CCDC178: variants seen among roughly 807,000 people sequenced by gnomAD.
CCDC178 encodes coiled-coil domain-containing protein 178.
A neutral mutation model predicts 117.4 loss-of-function variants in CCDC178; 126 were observed. That is an observed-to-expected ratio of 1.07 (90% CI 0.93 to 1.24). The LOEUF (loss-of-function observed/expected upper bound fraction) is 1.24, where lower values mean the gene tolerates loss of function less well. Among genes scored for constraint, CCDC178 ranks in the 50% most tolerant of loss-of-function variants. The pLI, the probability that CCDC178 is intolerant of heterozygous loss-of-function variation, is 0.00. For missense variants in CCDC178, 1,030 were observed against 986.9 expected (o/e 1.04, Z -0.59); for synonymous variants, 283 against 313.4 (o/e 0.90, Z 1.02).
At chr18:33,051,031 A>G (rs548826916) in intron 21 of CCDC178, among the ~76,000 whole-genome samples, 3 of 152,052 alleles carry the variant, frequency 2.0e-5, no homozygotes, top group Admixed American at 6.5e-5. Flanking sequence ...TCCTGCCTCA[A>G]CCTCTCTAGT....
intron 20 of CCDC178, among the ~76,000 whole-genome samples, chr18:33,205,016 T>G (rs1265688964): frequency 6.6e-6 from 1 of 152,044 alleles, no homozygotes; most frequent in African/African-American, 2.4e-5. Flanking sequence ...GTAAAAGTTT[T>G]GATTTATGAC....
chr18:33,408,884 G>C (rs1210305237), intron 3 of CCDC178, among the ~76,000 whole-genome samples: 2 of 152,092 alleles, frequency 1.3e-5, no homozygotes, highest in Non-Finnish European at 2.9e-5. Context: ...AAAAATTATA[G>C]TTTGTTAAAA....
chr18:33,273,032 G>C (rs2059908277), intron 12 of CCDC178, among the ~76,000 whole-genome samples: 1 of 146,600 alleles, frequency 6.8e-6, no homozygotes. Context: ...TCTAACCAAA[G>C]TAATTAGGCA....
At chr18:33,307,387 C>A (rs4369746) in intron 11 of CCDC178, among the ~76,000 whole-genome samples, 7,475 of 152,192 alleles carry the variant, frequency 0.049, 634 homozygotes, top group African/African-American at 0.17. Flanking sequence ...AGACTGATGG[C>A]TTTTTGGCCC....
intron 2 of CCDC178, among the ~76,000 whole-genome samples, chr18:33,435,962 T>C (rs2064284354): frequency 6.6e-6 from 1 of 152,052 alleles, no homozygotes; most frequent in African/African-American, 2.4e-5. Context: ...TGGGTGCTTT[T>C]TAATGACGAT....
intron 9 of CCDC178, among the ~76,000 whole-genome samples, chr18:33,339,848 T>G (rs1418844749): frequency 6.6e-6 from 1 of 152,158 alleles, no homozygotes; most frequent in African/African-American, 2.4e-5. Context: ...CATATGGGAC[T>G]GTAACTCCAT....
intron 7 of CCDC178, among the ~76,000 whole-genome samples, chr18:33,353,303 A>C (rs1177197867): frequency 6.6e-6 from 1 of 152,012 alleles, no homozygotes; most frequent in Non-Finnish European, 1.5e-5. Flanking sequence ...TTTGTATCTC[A>C]GGTGAGACTC....
intron 5 of CCDC178, among the ~76,000 whole-genome samples, chr18:33,381,693 G>T (rs1308484827): frequency 6.6e-6 from 1 of 151,966 alleles, no homozygotes; most frequent in Non-Finnish European, 1.5e-5. Context: ...AATGCTTGCA[G>T]ACCATGCAAA....
chr18:32,961,069 C>T (rs1281212394), intron 22 of CCDC178, among the ~76,000 whole-genome samples: 1 of 151,982 alleles, frequency 6.6e-6, no homozygotes, highest in Non-Finnish European at 1.5e-5. Flanking sequence ...TCATATGTAG[C>T]TATTTGGGAT....
rs148020917 is a variant in CCDC178 at position 33,251,319 on chromosome 18, T to C, written c.1410-5891A>G. ...AGATTGAGATAATTCTCATTCATTATATCTATACTCCCTATGAAGAGGATG... is the reference window on the plus strand; with the variant it reads ...AGATTGAGATAATTCTCATTCATTACATCTATACTCCCTATGAAGAGGATG... On this transcript the variant is annotated intron_variant, in intron 14 of 22. Coordinates refer to ENST00000383096, the MANE Select transcript of CCDC178 (RefSeq NM_001105528.4). 2.3e-3 allele frequency among the ~76,000 whole-genome samples: 345 copies of C among 151,918 alleles called. 2 individuals carry two copies. The highest frequency in any genetic ancestry group is 7.6e-3 in the African/African-American group (316 of 41,522).
At chr18:33,301,619 TG>T (rs2144909953) in intron 11 of CCDC178, among the ~76,000 whole-genome samples, 1 of 152,350 alleles carries the variant, frequency 6.6e-6, no homozygotes, top group South Asian at 2.1e-4. Context: ...GTGCTCGATG[TG>T]GGACATGGAG....
At chr18:33,226,084 C>T (rs1441924972) in intron 16 of CCDC178, among the ~76,000 whole-genome samples, 1 of 152,162 alleles carries the variant, frequency 6.6e-6, no homozygotes, top group Non-Finnish European at 1.5e-5. Context: ...TCACTTGAAC[C>T]TGGGAGGCAG....
intron 2 of CCDC178, among the ~76,000 whole-genome samples, chr18:33,422,679 T>C (rs1418369395): frequency 6.6e-6 from 1 of 152,204 alleles, no homozygotes; most frequent in Non-Finnish European, 1.5e-5. Flanking sequence ...ATGTGGCTAT[T>C]GGCTACCATA....
At chr18:33,229,630 C>T (rs1034503576) in intron 15 of CCDC178, among the ~76,000 whole-genome samples, 2 of 152,126 alleles carry the variant, frequency 1.3e-5, no homozygotes, top group African/African-American at 2.4e-5. Context: ...CACAATGTGA[C>T]AGAGAGCATC....
In CCDC178 at chr18:32,993,866, T is replaced by C. The variant is rs188408021; in HGVS notation, c.2389-19185A>G. 9.3e-4 allele frequency among the ~76,000 whole-genome samples: 142 copies of C among 152,318 alleles called. 2 individuals are homozygous for C. Among genetic ancestry groups the C allele is most frequent in the Non-Finnish European group, 2.5e-4 (17 of 68,026 alleles). ...GGCCTTTAATGAGTGTCAAGAAAGCTGGTTTCCTTTCACTTCAATTACAAC... is the reference window on the plus strand; with the variant it reads ...GGCCTTTAATGAGTGTCAAGAAAGCCGGTTTCCTTTCACTTCAATTACAAC... On this transcript the variant is annotated intron_variant, in intron 21 of 22. Transcript: ENST00000383096.
intron 12 of CCDC178, among the ~76,000 whole-genome samples, chr18:33,288,667 G>A (rs967805182): frequency 6.6e-5 from 10 of 151,882 alleles, no homozygotes; most frequent in Non-Finnish European, 1.2e-4. Context: ...CCAGCATAGG[G>A]GTAAACGCAG....
chr18:33,163,672 T>C (rs1458621250), intron 20 of CCDC178, among the ~76,000 whole-genome samples: 2 of 152,202 alleles, frequency 1.3e-5, no homozygotes, highest in Non-Finnish European at 2.9e-5. Flanking sequence ...TATAATAAAA[T>C]AATTTGCATT....
At chr18:33,100,633 T>A (rs1284629037) in intron 20 of CCDC178, among the ~76,000 whole-genome samples, 1 of 151,992 alleles carries the variant, frequency 6.6e-6, no homozygotes, top group Non-Finnish European at 1.5e-5. Flanking sequence ...ATAAGAGCTC[T>A]GTATGTGGTC....
chr18:33,132,383 C>T (rs943057943), intron 20 of CCDC178, among the ~76,000 whole-genome samples: 7 of 151,646 alleles, frequency 4.6e-5, no homozygotes, highest in African/African-American at 1.4e-4. Flanking sequence ...ATTCATTGGT[C>T]TATTAATTAA....
Sources: allele counts gnomAD v4.1 joint callset (sites outside exome capture counted in the v4.1 genomes callset), GRCh38; gene constraint gnomAD v4.1.1; transcripts MANE v1.5; gene names NCBI Gene and HGNC (gene_info 2026-07-23, HGNC 2026-07-21).